The following LMO2 variants were observed in gnomAD, a reference collection of about 807,000 sequenced individuals.
LMO2 encodes the protein rhombotin-2.
LMO2 carries 20 observed loss-of-function variants against 23.2 expected under a neutral mutation model. The observed-to-expected ratio is 0.86, with a 90% confidence interval of 0.61 to 1.25. The LOEUF is 1.25. LMO2 is among the 50% of genes most tolerant of loss of function. The pLI is 0.00. For synonymous variants in LMO2, 123 were observed against 130.2 expected (o/e 0.94, Z 0.38); for missense variants, 270 against 315.3 (o/e 0.86, Z 1.09).
chr11:33,859,211 T>A lies in LMO2; in HGVS notation c.*145A>T. On this transcript the variant is annotated 3_prime_UTR_variant, in exon 6 of 6. Coordinates refer to ENST00000257818, the MANE Select transcript of LMO2 (RefSeq NM_005574.4). ...AATTATGCCACTTGGATGCTATGTC[T>A]TGATACCCAATAAAGGTCTACCATC... is the stretch of plus-strand genomic sequence containing the variant. The A allele has an allele frequency of 1.6e-6, 1 of 620,214 alleles. No homozygotes were observed. The highest frequency in any genetic ancestry group is 2.8e-5 in the East Asian group (1 of 36,160). The allele number at this position is 620,214 out of a possible 1,614,324, so 38.4% of individuals were successfully genotyped here.
intron 1 of LMO2, among the ~76,000 whole-genome samples, chr11:33,890,188 TGATATCAATCTGGTGATAGATATCAATA>T (rs1255200143): frequency 2.2e-4 from 33 of 152,090 alleles, no homozygotes; most frequent in Admixed American, 4.6e-4. Flanking sequence ...TACAATGTGG[TGATATCAATCTGGTGATAGATATCAATA>T]GATATCAATC....
chr11:33,885,681 G>C (rs909843289), intron 1 of LMO2, among the ~76,000 whole-genome samples: 5 of 152,224 alleles, frequency 3.3e-5, no homozygotes, highest in African/African-American at 1.2e-4. Context: ...AACTTTGGTG[G>C]CCTGTGTGGT....
intron 2 of LMO2, 59 bp from the exon 3 acceptor site, chr11:33,870,046 C>G (rs866715956): frequency 3.1e-6 from 2 of 645,268 alleles, no homozygotes; most frequent in Non-Finnish European, 3.9e-6. Context: ...GCTGCCCGGT[C>G]CCCCCACCTC....
intron 2 of LMO2, among the ~76,000 whole-genome samples, chr11:33,872,146 C>A (rs1018636355): frequency 8.5e-5 from 13 of 152,132 alleles, no homozygotes. Flanking sequence ...CAAAAATTAG[C>A]CAGGTGTGGT....
chr11:33,889,283 AG>A, intron 1 of LMO2, among the ~76,000 whole-genome samples: 1 of 152,258 alleles, frequency 6.6e-6, no homozygotes, highest in South Asian at 2.1e-4. Flanking sequence ...CTCACCAACT[AG>A]GGGTGAAATG....
At position 33,864,393 on chromosome 11, in the gene LMO2, C is replaced by T. The variant is rs547960745; in HGVS notation, c.464+209G>A. 2.0e-5 allele frequency among the ~76,000 whole-genome samples: 3 copies of T among 152,308 alleles called. No homozygotes were observed. The highest frequency in any genetic ancestry group is 2.9e-5 in the Non-Finnish European group (2 of 68,030). ...ATATTAGTATTTTACCACATAGGAACGTAACCCTGAGAACATGCTTCTCAA... is the reference window on the plus strand; with the variant it reads ...ATATTAGTATTTTACCACATAGGAATGTAACCCTGAGAACATGCTTCTCAA... On this transcript the variant is annotated intron_variant, in intron 5 of 5. Transcript: ENST00000257818. The surrounding 1 kb of genome is among the most constrained non-coding windows in gnomAD (Gnocchi z 4.8).
At chr11:33,878,811 C>T (rs750591994) in intron 2 of LMO2, among the ~76,000 whole-genome samples, 4 of 152,196 alleles carry the variant, frequency 2.6e-5, no homozygotes, top group African/African-American at 7.2e-5. Flanking sequence ...AATAATTTCA[C>T]GTGTGTGCCT....
intron 4 of LMO2, chr11:33,865,299 A>C: frequency 5.0e-6 from 1 of 201,400 alleles, no homozygotes; most frequent in Non-Finnish European, 1.0e-5. Flanking sequence ...AGTGCTAAGA[A>C]TCTGCAAATC....
intron 5 of LMO2, among the ~76,000 whole-genome samples, chr11:33,863,697 A>G (rs1300302047): frequency 6.6e-6 from 1 of 152,242 alleles, no homozygotes. Context: ...AGGCTTTCAC[A>G]CAGTGCTGGA....
chr11:33,860,591 G>A (rs936317036), intron 5 of LMO2, among the ~76,000 whole-genome samples: 1 of 152,046 alleles, frequency 6.6e-6, no homozygotes. Flanking sequence ...TGGTGAAACT[G>A]TGTCTTTACA....
At chr11:33,867,476 G>A (rs1419314778) in intron 4 of LMO2, among the ~76,000 whole-genome samples, 1 of 152,208 alleles carries the variant, frequency 6.6e-6, no homozygotes, top group Non-Finnish European at 1.5e-5. Context: ...GACAATGACT[G>A]AATTAGATTG....
In LMO2 at chr11:33,869,863, G is replaced by A; in HGVS notation, c.-147C>T. The A allele has an allele frequency of 1.9e-6, 2 of 1,055,750 alleles. No individual in the cohort carries two copies. Among genetic ancestry groups the A allele is most frequent in the South Asian group, 4.5e-5 (1 of 22,010 alleles). 65.4% of individuals were successfully genotyped at this position (1,055,750 alleles called of 1,614,324 possible). A position where few individuals can be genotyped will look rare whatever the true frequency, so the allele number is the denominator to read the frequency against. On this transcript the variant is annotated 5_prime_UTR_variant, in exon 3 of 6. Transcript: ENST00000257818. ...CGCGGCGCGCTGCTCGCCGCCGAGG[G>A]CAGAGAGGGGGCGGCGGCCTAGGGG...
rs117547148 is a variant in LMO2 at position 33,886,995 on chromosome 11, G to A, written c.-336+4800C>T. Among the ~76,000 whole-genome samples, 1,397 of 152,332 alleles carry A rather than the reference G, an allele frequency of 9.2e-3. 15 individuals carry two copies. The highest frequency in any genetic ancestry group is 0.015 in the Non-Finnish European group (1,016 of 68,036). On this transcript the variant is annotated intron_variant, in intron 1 of 5. Coordinates refer to ENST00000257818, the MANE Select transcript of LMO2 (RefSeq NM_005574.4). ...TATTATTTGCCATTGGTCTGACACC[G>A]ATGCCTTGTGAATTGTGGATAGATT...
In LMO2 at chr11:33,864,408, A is replaced by C. The variant is rs1272250228; in HGVS notation, c.464+194T>G. On this transcript the variant is annotated intron_variant, in intron 5 of 5. Coordinates refer to ENST00000257818, the MANE Select transcript of LMO2 (RefSeq NM_005574.4). This position sits in a 1 kb window ranked among gnomAD's most constrained non-coding sequence, Gnocchi z 4.8. ...CACATAGGAACGTAACCCTGAGAAC[A>C]TGCTTCTCAAACAGGAAGAAATGCC... 1.3e-5 allele frequency among the ~76,000 whole-genome samples: 2 copies of C among 152,322 alleles called. No homozygotes were observed. The highest frequency in any genetic ancestry group is 3.9e-4 in the East Asian group (2 of 5,186).
In LMO2 at chr11:33,864,672, G is replaced by T; in HGVS notation, c.394C>A (p.Arg132=). 1 of 1,614,026 alleles carries T rather than the reference G, an allele frequency of 6.2e-7. No individual in the cohort carries two copies. The highest frequency in any genetic ancestry group is 8.5e-7 in the Non-Finnish European group (1 of 1,180,026). ...DCLSCDLCGC[R]LGEVGRRLYY... is the part of the protein sequence containing the mutation. ...AGGCGCCGCCCCACCTCACCCAGCC[G>T]GCAGCCACAGAGGTCGCAGCTCAGG... The change falls in exon 5 of 6, where the codon CGG becomes AGG. Residue 132 remains arginine, a synonymous_variant. Coordinates refer to ENST00000257818, the MANE Select transcript of LMO2 (RefSeq NM_005574.4). This position sits in a 1 kb window ranked among gnomAD's most constrained non-coding sequence, Gnocchi z 4.8.
intron 2 of LMO2, among the ~76,000 whole-genome samples, chr11:33,875,450 C>T (rs753247991): frequency 6.6e-6 from 1 of 151,916 alleles, no homozygotes; most frequent in Non-Finnish European, 1.5e-5. Flanking sequence ...AGGTGGCTGA[C>T]GCCTGTAATC....
At chr11:33,882,882 A>G (rs1237323884) in intron 1 of LMO2, among the ~76,000 whole-genome samples, 2 of 152,126 alleles carry the variant, frequency 1.3e-5, no homozygotes, top group African/African-American at 4.8e-5. Context: ...CTATGCCCTC[A>G]CCTCATTCAC....
At chr11:33,875,359 C>A (rs926645414) in intron 2 of LMO2, among the ~76,000 whole-genome samples, 2 of 152,090 alleles carry the variant, frequency 1.3e-5, no homozygotes, top group Non-Finnish European at 2.9e-5. Context: ...GGGTGGATCA[C>A]CTGATGTCAG....
intron 2 of LMO2, among the ~76,000 whole-genome samples, chr11:33,872,015 G>A (rs1383036099): frequency 6.6e-6 from 1 of 151,934 alleles, no homozygotes; most frequent in Non-Finnish European, 1.5e-5. Context: ...TGTAATCCCA[G>A]CACTTTGAGA....
Sources: allele counts gnomAD v4.1 joint callset (sites outside exome capture counted in the v4.1 genomes callset), GRCh38; gene constraint gnomAD v4.1.1; non-coding constraint Gnocchi (gnomAD v3.1); transcripts MANE v1.5; gene names NCBI Gene and HGNC (gene_info 2026-07-23, HGNC 2026-07-21).